ARHGAP22: variants seen among roughly 807,000 people sequenced by gnomAD.
The protein encoded by ARHGAP22 is rho GTPase-activating protein 22.
Under a neutral mutation model 59.1 loss-of-function variants are expected in ARHGAP22, and 48 were observed. The observed-to-expected ratio is 0.81, with a 90% CI of 0.64 to 1.03. The LOEUF is 1.03. Ranked by LOEUF, ARHGAP22 falls within the 50% of genes least tolerant of loss-of-function variation. The pLI, the probability that ARHGAP22 is intolerant of heterozygous loss-of-function variation, is 0.00. For missense variants in ARHGAP22, 1,015 were observed against 958.7 expected, an observed-to-expected ratio of 1.06 and a Z score of -0.78; for synonymous variants, 445 against 416.4, an observed-to-expected ratio of 1.07 and a Z score of -0.84.
chr10:48,476,840 T>C lies in ARHGAP22; in HGVS notation c.451+2796A>G, dbSNP rs77311758. 8.6e-3 allele frequency among the ~76,000 whole-genome samples: 1,305 copies of C among 152,288 alleles called. 19 individuals carry two copies. The highest frequency in any genetic ancestry group is 0.03 in the African/African-American group (1,247 of 41,570). The stretch of plus-strand genomic sequence containing the variant: ...CTGGGTGCAGGTCTTGGTGCAGCTC[T>C]TGGACGGGCTATTTGGGCCAGGACC... On this transcript the variant is annotated intron_variant, in intron 4 of 9. Transcript: ENST00000249601.
intron 2 of ARHGAP22, among the ~76,000 whole-genome samples, chr10:48,560,831 G>A (rs1365215698): frequency 1.3e-5 from 2 of 151,888 alleles, no homozygotes; most frequent in Admixed American, 1.3e-4. Flanking sequence ...ATCAACCTTG[G>A]ACTTTTGGGA....
intron 2 of ARHGAP22, among the ~76,000 whole-genome samples, chr10:48,555,760 G>GTCTGCATACATGATTGGAGGAGC (rs1484068410): frequency 4.6e-5 from 7 of 152,196 alleles, no homozygotes; most frequent in African/African-American, 1.7e-4. Flanking sequence ...GGACACTGTA[G>GTCTGCATACATGATTGGAGGAGC]TCTGCATACA....
At chr10:48,452,119 G>A (rs2046030973) in intron 8 of ARHGAP22, among the ~76,000 whole-genome samples, 1 of 152,134 alleles carries the variant, frequency 6.6e-6, no homozygotes, top group Non-Finnish European at 1.5e-5. Context: ...CCCCTGAGAT[G>A]CAGCCCCCAG....
At chr10:48,650,021 A>C (rs972572596) in intron 1 of ARHGAP22, among the ~76,000 whole-genome samples, 2 of 151,590 alleles carry the variant, frequency 1.3e-5, no homozygotes, top group South Asian at 4.2e-4. Context: ...AAAGAGAGAG[A>C]GAGAGGGAGA....
chr10:48,517,954 G>A (rs1003022953), intron 3 of ARHGAP22, among the ~76,000 whole-genome samples: 1 of 152,196 alleles, frequency 6.6e-6, no homozygotes, highest in Non-Finnish European at 1.5e-5. Flanking sequence ...AGGCCTGCGT[G>A]CCTATCCCCA....
intron 2 of ARHGAP22, among the ~76,000 whole-genome samples, chr10:48,582,539 G>A (rs1048539278): frequency 6.6e-6 from 1 of 152,208 alleles, no homozygotes; most frequent in Non-Finnish European, 1.5e-5. Context: ...TATGCAGGAT[G>A]GGTGCAAGGG....
intron 3 of ARHGAP22, among the ~76,000 whole-genome samples, chr10:48,489,730 C>CTTTTTTTT (rs377099863): frequency 8.4e-6 from 1 of 119,590 alleles, no homozygotes; most frequent in Non-Finnish European, 1.7e-5. Context: ...GAGGCTGCCT[C>CTTTTTTTT]TTTTTTTTTT....
At chr10:48,580,347 CT>C (rs2059030675) in intron 2 of ARHGAP22, among the ~76,000 whole-genome samples, 1 of 152,016 alleles carries the variant, frequency 6.6e-6, no homozygotes, top group Non-Finnish European at 1.5e-5. Context: ...ATAGAGGTTC[CT>C]TATGGAGCTA....
chr10:48,635,599 C>T (rs188155553), intron 1 of ARHGAP22, among the ~76,000 whole-genome samples: 22 of 152,354 alleles, frequency 1.4e-4, no homozygotes, highest in African/African-American at 4.8e-4. Flanking sequence ...CCGGGTAACC[C>T]CCACCCTCTC....
intron 1 of ARHGAP22, among the ~76,000 whole-genome samples, chr10:48,587,758 A>G: frequency 7.7e-6 from 1 of 130,482 alleles, no homozygotes; most frequent in Admixed American, 7.3e-5. Context: ...CTTCTATTAC[A>G]ACAAGGCCTG....
intron 3 of ARHGAP22, among the ~76,000 whole-genome samples, chr10:48,536,233 G>T (rs2055341428): frequency 6.6e-6 from 1 of 152,240 alleles, no homozygotes; most frequent in African/African-American, 2.4e-5. Flanking sequence ...TGGGCACAGG[G>T]TGGTATCTTC....
At chr10:48,499,968 G>A (rs1380026225) in intron 3 of ARHGAP22, among the ~76,000 whole-genome samples, 2 of 152,124 alleles carry the variant, frequency 1.3e-5, no homozygotes, top group African/African-American at 4.8e-5. Flanking sequence ...GATTCTTAAG[G>A]TTCATAAGCA....
At chr10:48,456,983 G>A (rs1362712612) in intron 5 of ARHGAP22, among the ~76,000 whole-genome samples, 3 of 152,148 alleles carry the variant, frequency 2.0e-5, no homozygotes, top group Non-Finnish European at 2.9e-5. Flanking sequence ...CCAGCCTGTG[G>A]GCCTCCCAGC....
chr10:48,580,726 A>C (rs1026406527), intron 2 of ARHGAP22, among the ~76,000 whole-genome samples: 2 of 149,382 alleles, frequency 1.3e-5, no homozygotes, highest in African/African-American at 4.9e-5. Context: ...GGGGAACCAG[A>C]GGTGTGGTGC....
intron 1 of ARHGAP22, among the ~76,000 whole-genome samples, chr10:48,643,366 A>G (rs1383248917): frequency 6.6e-6 from 1 of 152,198 alleles, no homozygotes; most frequent in Non-Finnish European, 1.5e-5. Context: ...ATGCTCATCA[A>G]TGATAGACTG....
intron 8 of ARHGAP22, chr10:48,451,755 C>G: frequency 1.7e-6 from 1 of 599,530 alleles, no homozygotes; most frequent in Non-Finnish European, 3.0e-6. Flanking sequence ...CACCCAGCCT[C>G]CCCAAATCCC....
intron 3 of ARHGAP22, among the ~76,000 whole-genome samples, chr10:48,482,826 T>G (rs1348850461): frequency 1.3e-5 from 2 of 152,164 alleles, no homozygotes; most frequent in African/African-American, 2.4e-5. Flanking sequence ...TTTTGAAATA[T>G]GCAATACATT....
At chr10:48,462,176 T>C (rs1476009088) in intron 4 of ARHGAP22, among the ~76,000 whole-genome samples, 2 of 146,398 alleles carry the variant, frequency 1.4e-5, no homozygotes, top group East Asian at 2.1e-4. Context: ...ATGTGCTGGA[T>C]GTGCGCTTAT....
At chr10:48,460,205 G>T (rs765345735) in intron 4 of ARHGAP22, among the ~76,000 whole-genome samples, 1 of 152,178 alleles carries the variant, frequency 6.6e-6, no homozygotes, top group African/African-American at 2.4e-5. Flanking sequence ...CGTTCATTAT[G>T]CCTGTCATTG....
Sources: allele counts gnomAD v4.1 joint callset (sites outside exome capture counted in the v4.1 genomes callset), GRCh38; gene constraint gnomAD v4.1.1; transcripts MANE v1.5; gene names NCBI Gene and HGNC (gene_info 2026-07-23, HGNC 2026-07-21).